The following FILIP1L variants were observed in gnomAD, a reference collection of about 807,000 sequenced individuals.
FILIP1L encodes the protein filamin A interacting protein 1 like.
In FILIP1L, 55 loss-of-function variants were observed where a neutral mutation model predicts 96.6. The observed-to-expected ratio is 0.57, with a 90% CI of 0.46 to 0.71. FILIP1L has a LOEUF of 0.71. Ranked by LOEUF, FILIP1L falls within the 30% of genes least tolerant of loss-of-function variation. The pLI is 0.00. For missense variants in FILIP1L, 1,304 were observed against 1,321.2 expected, an observed-to-expected ratio of 0.99 and a Z score of 0.20; for synonymous variants, 467 against 473.9, an observed-to-expected ratio of 0.99 and a Z score of 0.19.
intron 1 of FILIP1L, among the ~76,000 whole-genome samples, chr3:99,996,086 A>G (rs1442140420): frequency 1.3e-5 from 2 of 152,128 alleles, no homozygotes; most frequent in Non-Finnish European, 2.9e-5. Flanking sequence ...TTAGGCTGCA[A>G]ATTTTCCAAA....
chr3:99,912,560 T>G (rs1167316878), intron 4 of FILIP1L, among the ~76,000 whole-genome samples: 12 of 152,158 alleles, frequency 7.9e-5, no homozygotes, highest in Admixed American at 7.9e-4. Context: ...GTATTTTTTG[T>G]AGAGATGAAG....
At chr3:100,066,777 C>T (rs2065672712) in intron 1 of FILIP1L, among the ~76,000 whole-genome samples, 1 of 94,532 alleles carries the variant, frequency 1.1e-5, no homozygotes, top group Non-Finnish European at 2.5e-5. Flanking sequence ...GTGATCCGCC[C>T]GCCTCGGCCT....
chr3:99,984,296 A>G (rs774907265), intron 1 of FILIP1L, among the ~76,000 whole-genome samples: 3 of 152,346 alleles, frequency 2.0e-5, no homozygotes, highest in Non-Finnish European at 4.4e-5. Context: ...ATGAAAGGCT[A>G]TATTTTGTCT....
intron 1 of FILIP1L, among the ~76,000 whole-genome samples, chr3:100,032,888 C>A (rs1024864832): frequency 6.6e-6 from 1 of 152,092 alleles, no homozygotes; most frequent in Non-Finnish European, 1.5e-5. Flanking sequence ...TACATTATTA[C>A]ATTTATTCCC....
rs148412177 is a variant in FILIP1L at position 100,002,538 on chromosome 3, G to A, written c.-10-71508C>T. 2.2e-4 allele frequency among the ~76,000 whole-genome samples: 34 copies of A among 152,288 alleles called. No homozygotes were observed. The East Asian group carries it at 6.0e-3, about 27-fold the overall frequency. On this transcript the variant is annotated intron_variant, in intron 1 of 5. Transcript: ENST00000477258. ...AGTAATTCCGAGTAGGATGGAAGTA[G>A]CCTAAAATTTGAGTGACCTAGATAG...
chr3:99,983,464 G>GTGTGTATA (rs1491438114), intron 1 of FILIP1L, among the ~76,000 whole-genome samples: 2 of 12,690 alleles, frequency 1.6e-4, no homozygotes, highest in African/African-American at 4.2e-4. Context: ...ATATATGTGT[G>GTGTGTATA]TATATATATA....
At chr3:100,013,085 C>T (rs940771485) in intron 1 of FILIP1L, among the ~76,000 whole-genome samples, 61 of 151,964 alleles carry the variant, frequency 4.0e-4, no homozygotes, top group Non-Finnish European at 6.9e-4. Flanking sequence ...TCTTGTTGTC[C>T]GGGCTGATCT....
chr3:99,891,099 A>G (rs954863038), intron 4 of FILIP1L, among the ~76,000 whole-genome samples: 1 of 150,850 alleles, frequency 6.6e-6, no homozygotes, highest in Non-Finnish European at 1.5e-5. Context: ...TGAATCTGCA[A>G]ATTCTCGTGT....
At chr3:99,961,175 A>G (rs1024979871) in intron 1 of FILIP1L, among the ~76,000 whole-genome samples, 7 of 152,202 alleles carry the variant, frequency 4.6e-5, no homozygotes, top group Admixed American at 2.0e-4. Context: ...GTAAAGTTAA[A>G]TTGCCTCTTC....
At chr3:99,879,683 C>T (rs1410817245) in intron 4 of FILIP1L, among the ~76,000 whole-genome samples, 1 of 152,150 alleles carries the variant, frequency 6.6e-6, no homozygotes, top group Non-Finnish European at 1.5e-5. Flanking sequence ...CGCTCTGCTC[C>T]CTAGGAGCTC....
intron 5 of FILIP1L, among the ~76,000 whole-genome samples, chr3:99,844,648 A>G (rs992535585): frequency 6.6e-6 from 1 of 152,206 alleles, no homozygotes. Flanking sequence ...TTGATAAAAT[A>G]TCCCTTCTAT....
At chr3:99,840,118 C>A (rs1313051383) in intron 5 of FILIP1L, among the ~76,000 whole-genome samples, 2 of 149,214 alleles carry the variant, frequency 1.3e-5, no homozygotes, top group African/African-American at 5.0e-5. Flanking sequence ...TTCCCCACAA[C>A]AAAGAGTTAC....
chr3:100,054,493 TTA>T (rs1250830794), intron 1 of FILIP1L, among the ~76,000 whole-genome samples: 13 of 33,798 alleles, frequency 3.8e-4, no homozygotes, highest in Admixed American at 2.2e-3. Context: ...TTATGTTTTG[TTA>T]TGTTATGTTA....
At position 99,849,239 on chromosome 3, in the gene FILIP1L, T is replaced by G; in HGVS notation, c.2437A>C (p.Lys813Gln). The G allele has an allele frequency of 6.2e-7, 1 of 1,614,176 alleles. No individual in the cohort carries two copies. The highest frequency in any genetic ancestry group is 8.5e-7 in the Non-Finnish European group (1 of 1,180,022). ...GCACGTTCCAGAGGAATGAGGCTCT[T>G]GTAATCAGGTGGTTCATTGTCTACT... is the stretch of plus-strand genomic sequence containing the variant. ...EAVDNEPPDY[K>Q]SLIPLERAVI... Residue 813 changes from lysine (K) to glutamine (Q), a missense_variant, in exon 5 of 6, where the codon AAG becomes CAG. Physicochemically the swap from Lys to Gln is moderately conservative, Grantham distance 53 (BLOSUM62 1). Coordinates refer to ENST00000477258, the MANE Select transcript of FILIP1L (RefSeq NM_001387850.1).
At chr3:99,927,430 C>T (rs965737330) in intron 3 of FILIP1L, among the ~76,000 whole-genome samples, 1 of 150,180 alleles carries the variant, frequency 6.7e-6, no homozygotes, top group East Asian at 2.0e-4. Context: ...AGTGCAATGG[C>T]GTGATCTCAG....
At chr3:99,855,277 T>C (rs1158447074) in intron 4 of FILIP1L, among the ~76,000 whole-genome samples, 1 of 152,162 alleles carries the variant, frequency 6.6e-6, no homozygotes, top group Non-Finnish European at 1.5e-5. Context: ...TGACTCAAAA[T>C]GCATACCATA....
At chr3:100,048,709 A>T (rs4928151) in intron 1 of FILIP1L, among the ~76,000 whole-genome samples, 1 of 151,984 alleles carries the variant, frequency 6.6e-6, no homozygotes, top group African/African-American at 2.4e-5. Context: ...AATCAAGTCC[A>T]GGTGGGTTTT....
intron 5 of FILIP1L, among the ~76,000 whole-genome samples, chr3:99,846,821 A>T (rs1203637464): frequency 1.3e-5 from 2 of 152,334 alleles, no homozygotes; most frequent in East Asian, 3.9e-4. Context: ...TGTATTTAAA[A>T]TCAATAACTG....
At chr3:99,985,493 G>A (rs926496585) in intron 1 of FILIP1L, among the ~76,000 whole-genome samples, 1 of 151,998 alleles carries the variant, frequency 6.6e-6, no homozygotes, top group Non-Finnish European at 1.5e-5. Context: ...GCAAGACCCT[G>A]TCTCAAAAAA....
Sources: allele counts gnomAD v4.1 joint callset (sites outside exome capture counted in the v4.1 genomes callset), GRCh38; gene constraint gnomAD v4.1.1; transcripts MANE v1.5; gene names NCBI Gene and HGNC (gene_info 2026-07-23, HGNC 2026-07-21).